The following GTF3C5 variants were observed in gnomAD, a reference collection of about 807,000 sequenced individuals.
The protein encoded by GTF3C5 is general transcription factor IIIC subunit 5.
Under a neutral mutation model 61.0 loss-of-function variants are expected in GTF3C5, and 47 were observed. The ratio of observed to expected loss-of-function variants is 0.77; its 90% confidence interval spans 0.61 to 0.98. The LOEUF is 0.98. GTF3C5 is among the 50% of genes least tolerant of loss of function. The probability of loss-of-function intolerance (pLI) is 0.00; values close to 1 mark genes in which losing one functional copy is unlikely to be tolerated. For synonymous variants in GTF3C5, 295 were observed against 275.4 expected, an observed-to-expected ratio of 1.07 and a Z score of -0.71; for missense variants, 659 against 703.3, an observed-to-expected ratio of 0.94 and a Z score of 0.71.
intron 1 of GTF3C5, among the ~76,000 whole-genome samples, chr9:133,032,323 T>C (rs193220901): frequency 2.0e-5 from 3 of 152,290 alleles, no homozygotes; most frequent in Admixed American, 2.0e-4. Flanking sequence ...CTAATCTCAA[T>C]TGGCTATTTT....
At chr9:133,038,807 C>T (rs1209472087) in intron 1 of GTF3C5, among the ~76,000 whole-genome samples, 1 of 151,998 alleles carries the variant, frequency 6.6e-6, no homozygotes, top group African/African-American at 2.4e-5. Flanking sequence ...ACAGCCTGGG[C>T]ACTGGTGCCA....
Position 133,050,990 on chromosome 9 carries a change from G to A in GTF3C5, c.768+12G>A, listed in dbSNP as rs746989242. The A allele has an allele frequency of 2.0e-5, 31 of 1,577,228 alleles. No individual in the cohort carries two copies. Among genetic ancestry groups the A allele is most frequent in the African/African-American group, 1.1e-4 (8 of 73,480 alleles). On this transcript the variant is annotated intron_variant, in intron 4 of 10. Transcript: ENST00000372097. Reference sequence around the variant, plus strand: ...AGGAGCTGAGGAAGGCAAGTCCTGCGCTGCGCCTGGCCCCGGTGGCTCCAG... The same window carrying A: ...AGGAGCTGAGGAAGGCAAGTCCTGCACTGCGCCTGGCCCCGGTGGCTCCAG...
In GTF3C5 at chr9:133,054,816, G is replaced by A. The variant is rs753250728; in HGVS notation, c.1167+7G>A. ...CAGCAAGTACAAGCTCAAGGTGGGC[G>A]CCCCTGGAGGCCAGGAATGGAGGGG... On this transcript the variant is annotated splice_region_variant and intron_variant, in intron 8 of 10. Transcript: ENST00000372097. 9 of 1,556,696 alleles carry A rather than the reference G, an allele frequency of 5.8e-6. No individual in the cohort carries two copies. The highest frequency in any genetic ancestry group is 1.2e-5 in the South Asian group (1 of 82,788).
chr9:133,041,208 T>G (rs1354598364), intron 1 of GTF3C5, among the ~76,000 whole-genome samples: 2 of 151,722 alleles, frequency 1.3e-5, no homozygotes, highest in Non-Finnish European at 2.9e-5. Flanking sequence ...GCAAAGGGAG[T>G]CTCCCTTTCC....
chr9:133,046,328 TCAATAAA>T, intron 3 of GTF3C5, among the ~76,000 whole-genome samples: 1 of 152,160 alleles, frequency 6.6e-6, no homozygotes, highest in South Asian at 2.1e-4. Context: ...AAACCCTGTC[TCAATAAA>T]CAAAACAAAA....
intron 7 of GTF3C5, 65 bp downstream of exon 7, chr9:133,054,553 C>T (rs538080792): frequency 6.6e-7 from 1 of 1,510,880 alleles, no homozygotes; most frequent in East Asian, 2.3e-5. Context: ...GGCACCTGGA[C>T]CCAGACGGGG....
chr9:133,058,103 C>T lies in GTF3C5; in HGVS notation c.*123C>T, dbSNP rs1829994023. 1 of 1,522,258 alleles carries T rather than the reference C, an allele frequency of 6.6e-7. No homozygotes were observed. The highest frequency in any genetic ancestry group is 1.3e-5 in the South Asian group (1 of 76,922). The allele number at this position is 1,522,258 out of a possible 1,614,324, so 94.3% of individuals were successfully genotyped here. A position where few individuals can be genotyped will look rare whatever the true frequency, so the allele number is the denominator to read the frequency against. On this transcript the variant is annotated 3_prime_UTR_variant, in exon 11 of 11. Transcript: ENST00000372097. Reference sequence around the variant, plus strand: ...GCCCTAGGAGGCCCTCTGAGGAGAGCTAGAGTCCCAGCAAAGGGTGCAGCT... The same window carrying T: ...GCCCTAGGAGGCCCTCTGAGGAGAGTTAGAGTCCCAGCAAAGGGTGCAGCT...
intron 1 of GTF3C5, among the ~76,000 whole-genome samples, chr9:133,033,597 C>T (rs1003277013): frequency 3.3e-5 from 5 of 152,104 alleles, no homozygotes; most frequent in Admixed American, 2.0e-4. Context: ...GGGTGTTGAA[C>T]CTCAGGGAAC....
intron 4 of GTF3C5, among the ~76,000 whole-genome samples, chr9:133,051,719 G>A (rs1362093312): frequency 6.6e-6 from 1 of 152,162 alleles, no homozygotes; most frequent in African/African-American, 2.4e-5. Context: ...CTGTAGATTG[G>A]GGCAGCATGG....
chr9:133,049,671 A>T (rs878913504), intron 3 of GTF3C5, among the ~76,000 whole-genome samples: 1 of 152,120 alleles, frequency 6.6e-6, no homozygotes, highest in Admixed American at 6.5e-5. Context: ...AACCTTAAAG[A>T]CGTAACTACT....
intron 1 of GTF3C5, among the ~76,000 whole-genome samples, chr9:133,034,284 G>A (rs909799649): frequency 7.9e-5 from 12 of 152,062 alleles, no homozygotes; most frequent in African/African-American, 2.9e-4. Context: ...GTCACCACAG[G>A]GGCCCTTTAA....
At chr9:133,049,916 A>G (rs533805122) in intron 3 of GTF3C5, among the ~76,000 whole-genome samples, 23 of 152,112 alleles carry the variant, frequency 1.5e-4, no homozygotes, top group Admixed American at 9.8e-4. Flanking sequence ...TTACCAGTGG[A>G]TGAACCTATG....
intron 6 of GTF3C5, among the ~76,000 whole-genome samples, 167 bp from the exon 7 acceptor site, chr9:133,054,241 G>A (rs1322745685): frequency 6.6e-6 from 1 of 152,146 alleles, no homozygotes; most frequent in Admixed American, 6.5e-5. Flanking sequence ...GCCCTGCCTG[G>A]GAAGTGCTGA....
rs1849715180 is a variant in GTF3C5, at chr9:133,031,082, T to C, written c.71T>C (p.Met24Thr). 2 of 1,609,412 alleles carry C rather than the reference T, an allele frequency of 1.2e-6. No individual in the cohort carries two copies. ...VPVELRRERR[M>T]VCVEYPGVVR... ...GTGGAGCTGAGGCGGGAGCGACGCA[T>C]GGTGTGCGTGGAGTACCCGGGAGTG... Residue 24 changes from methionine (M) to threonine (T), a missense_variant, in exon 1 of 11, where the codon ATG becomes ACG. Met to Thr is a moderately conservative substitution (Grantham distance 81). Transcript: ENST00000372097.
intron 8 of GTF3C5, chr9:133,055,266 C>G (rs1012561003): frequency 1.4e-6 from 2 of 1,450,258 alleles, no homozygotes; most frequent in East Asian, 6.1e-5. Flanking sequence ...CAGAGCTGTT[C>G]CCACATTCAG....
chr9:133,039,756 C>T (rs933679086), intron 1 of GTF3C5, among the ~76,000 whole-genome samples: 1 of 152,220 alleles, frequency 6.6e-6, no homozygotes, highest in Admixed American at 6.5e-5. Flanking sequence ...ACATCCATAA[C>T]AGTGCCTAGT....
Position 133,056,083 on chromosome 9 carries a change from G to C in GTF3C5, c.1239G>C (p.Leu413Phe). 1 of 1,613,986 alleles carries C rather than the reference G, an allele frequency of 6.2e-7. No individual in the cohort carries two copies. The highest frequency in any genetic ancestry group is 1.3e-5 in the African/African-American group (1 of 75,056). Residue 413 changes from leucine (L) to phenylalanine (F), a missense_variant, in exon 9 of 11, where the codon TTG (leucine) becomes TTC (phenylalanine). Leu to Phe is a conservative substitution (Grantham distance 22, BLOSUM62 0). Coordinates refer to ENST00000372097, the MANE Select transcript of GTF3C5 (RefSeq NM_012087.4). ...YRQMFYQLCDLNVEELQKIIH... is the reference protein window; with the variant it reads ...YRQMFYQLCDFNVEELQKIIH... ...AGATGTTCTACCAGTTATGCGACTT[G>C]AATGTGGAAGAGTACGTATGGGAGG...
intron 1 of GTF3C5, among the ~76,000 whole-genome samples, chr9:133,038,514 G>C (rs897977392): frequency 5.3e-5 from 8 of 149,566 alleles, no homozygotes; most frequent in Non-Finnish European, 1.2e-4. Flanking sequence ...GCAGTGGCGC[G>C]ATCTCGGCTC....
intron 5 of GTF3C5, among the ~76,000 whole-genome samples, chr9:133,053,429 T>A (rs906703382): frequency 3.3e-5 from 5 of 151,906 alleles, no homozygotes; most frequent in Non-Finnish European, 5.9e-5. Flanking sequence ...TACAAAAAAA[T>A]TAAAAATTAG....
Sources: allele counts gnomAD v4.1 joint callset (sites outside exome capture counted in the v4.1 genomes callset), GRCh38; gene constraint gnomAD v4.1.1; transcripts MANE v1.5; gene names NCBI Gene and HGNC (gene_info 2026-07-23, HGNC 2026-07-21).